Variants in FAM76B observed in about 807,000 individuals in gnomAD.
FAM76B encodes family with sequence similarity 76 member B, also known as protein FAM76B.
A neutral mutation model predicts 51.8 loss-of-function variants in FAM76B; 16 were observed. The ratio of observed to expected loss-of-function variants is 0.31; its 90% CI spans 0.21 to 0.47. The LOEUF (loss-of-function observed/expected upper bound fraction) is 0.47, where lower values mean the gene tolerates loss of function less well. Ranked by LOEUF, FAM76B falls within the 20% of genes least tolerant of loss-of-function variation. FAM76B has a pLI of 1.00. For synonymous variants in FAM76B, 166 were observed against 129.5 expected, an observed-to-expected ratio of 1.28 and a Z score of -1.91; for missense variants, 342 against 392.6, an observed-to-expected ratio of 0.87 and a Z score of 1.09.
intron 6 of FAM76B, 39 bp downstream of exon 6, chr11:95,779,840 C>T (rs769119894): frequency 2.8e-5 from 44 of 1,578,148 alleles, no homozygotes; most frequent in Non-Finnish European, 3.7e-5. Context: ...TATAAATATA[C>T]ATTTCAAAAT....
intron 5 of FAM76B, among the ~76,000 whole-genome samples, chr11:95,781,820 G>A (rs1476565848): frequency 6.6e-6 from 1 of 151,532 alleles, no homozygotes; most frequent in East Asian, 1.9e-4. Context: ...GCCACATTTA[G>A]AAAACACTAC....
chr11:95,787,345 T>G (rs568888417), intron 3 of FAM76B, among the ~76,000 whole-genome samples: 1 of 151,934 alleles, frequency 6.6e-6, no homozygotes, highest in Non-Finnish European at 1.5e-5. Flanking sequence ...GCCATTCTCC[T>G]GCCTCAGCCT....
At chr11:95,783,567 A>C (rs12807572) in intron 4 of FAM76B, among the ~76,000 whole-genome samples, 32,849 of 152,234 alleles carry the variant, frequency 0.22, 4,295 homozygotes, top group Non-Finnish European at 0.29. Flanking sequence ...GCATAAACTG[A>C]CTGATATACT....
chr11:95,771,357 A>T lies in FAM76B; in HGVS notation c.*204T>A. On this transcript the variant is annotated 3_prime_UTR_variant, in exon 10 of 10. Transcript: ENST00000358780. ...AGTTCCTGGATATCAAATAATTAAA[A>T]AGTTACTTCAAACCAGTTGAAGTTT... 2.3e-6 allele frequency: 1 copy of T among 434,152 alleles called. No individual in the cohort carries two copies. Among genetic ancestry groups the T allele is most frequent in the Non-Finnish European group, 4.2e-6 (1 of 236,792 alleles). 26.9% of individuals were successfully genotyped at this position (434,152 alleles called of 1,614,324 possible).
chr11:95,783,413 C>T (rs752947567), intron 4 of FAM76B, 149 bp from the exon 5 acceptor site: 1 of 611,688 alleles, frequency 1.6e-6, no homozygotes, highest in Non-Finnish European at 2.7e-6. Context: ...TTCTGCAAAA[C>T]AGAAATAAAA....
chr11:95,784,041 T>C (rs1457487691), intron 4 of FAM76B, among the ~76,000 whole-genome samples: 3 of 152,210 alleles, frequency 2.0e-5, no homozygotes, highest in Non-Finnish European at 2.9e-5. Context: ...TCAACCTAAA[T>C]GCCCATCGTT....
chr11:95,782,209 AC>A (rs1860307807), intron 5 of FAM76B, among the ~76,000 whole-genome samples: 1 of 152,138 alleles, frequency 6.6e-6, no homozygotes, highest in South Asian at 2.1e-4. Context: ...GGGTTAAGGT[AC>A]TACTACTACT....
At chr11:95,776,979 T>G (rs528133169) in intron 8 of FAM76B, among the ~76,000 whole-genome samples, 1 of 150,716 alleles carries the variant, frequency 6.6e-6, no homozygotes, top group South Asian at 2.1e-4. Context: ...AACTAAGTTC[T>G]CTCTCTCTAA....
chr11:95,775,928 T>C lies in FAM76B; in HGVS notation c.924A>G (p.Gln308=). The C allele has an allele frequency of 2.5e-6, 4 of 1,577,892 alleles. No homozygotes were observed. In the South Asian group the frequency reaches 3.5e-5, roughly 14 times the overall value. ...CGTAAATGATGGTAGTTACCTGAAG[T>C]TGTTCCACAGTTTCTTTGTGGGCTT... ...MEKAHKETVE[Q]LQAKNRELLK... The change falls in exon 9 of 10, where the codon CAA becomes CAG. Residue 308 remains glutamine (Q), a synonymous_variant. Transcript: ENST00000358780.
chr11:95,783,308 G>A, intron 4 of FAM76B, 44 bp from the exon 5 acceptor site: 1 of 1,566,530 alleles, frequency 6.4e-7, no homozygotes. Flanking sequence ...ATATAAACTG[G>A]CTGTAAACGA....
chr11:95,773,701 G>GCCTA (rs988729780), intron 9 of FAM76B, among the ~76,000 whole-genome samples: 1 of 151,250 alleles, frequency 6.6e-6, no homozygotes, highest in Non-Finnish European at 1.5e-5. Flanking sequence ...AAAACACTTA[G>GCCTA]CCTAACACAG....
At chr11:95,775,789 A>G in intron 9 of FAM76B, 133 bp downstream of exon 9, 1 of 469,202 alleles carries the variant, frequency 2.1e-6, no homozygotes, top group Non-Finnish European at 3.7e-6. Context: ...AAATGATTAT[A>G]AAGTCAAAAT....
chr11:95,788,020 C>G (rs1860698994), intron 2 of FAM76B, among the ~76,000 whole-genome samples: 1 of 152,152 alleles, frequency 6.6e-6, no homozygotes, highest in Admixed American at 6.5e-5. Context: ...ATTATAATGC[C>G]CACACCTATT....
intron 8 of FAM76B, 121 bp from the exon 9 acceptor site, chr11:95,776,144 T>C: frequency 2.1e-6 from 1 of 472,930 alleles, no homozygotes; most frequent in Admixed American, 4.3e-5. Context: ...TAACTGCAGT[T>C]TCCTGAATTG....
Position 95,783,170 on chromosome 11 carries a change from T to C in FAM76B, c.458A>G (p.His153Arg), listed in dbSNP as rs778189566. ...KEQRKSLGSS[H>R]SNSSSSSLTE... ...AAGAGATGAAGAAGATGAATTTGAA[T>C]GTGAAGATCCCAGGCTCTTCCTTTG... The change falls in exon 5 of 10, where the codon CAT becomes CGT. Residue 153 changes from histidine to arginine, a missense_variant. His to Arg is a conservative substitution (Grantham distance 29). Around this residue, in one of 3 missense-constraint regions of FAM76B, gnomAD observed 230 missense variants for 257.4 expected, o/e 0.89. Transcript: ENST00000358780. The C allele has an allele frequency of 1.1e-5, 17 of 1,613,894 alleles. No homozygotes were observed. Among genetic ancestry groups the C allele is most frequent in the Non-Finnish European group, 1.3e-5 (15 of 1,179,836 alleles).
At chr11:95,774,357 G>T (rs1859904365) in intron 9 of FAM76B, among the ~76,000 whole-genome samples, 3 of 151,340 alleles carry the variant, frequency 2.0e-5, no homozygotes, top group African/African-American at 7.3e-5. Context: ...TATACTACAT[G>T]AAACTTCAAT....
In FAM76B at chr11:95,774,964, A is replaced by G. The variant is rs1294421209; in HGVS notation, c.930+958T>C. 2.0e-5 allele frequency among the ~76,000 whole-genome samples: 3 copies of G among 151,210 alleles called. No homozygotes were observed. In the East Asian group the frequency reaches 5.8e-4, roughly 29 times the overall value. On this transcript the variant is annotated intron_variant, in intron 9 of 9. Coordinates refer to ENST00000358780, the MANE Select transcript of FAM76B (RefSeq NM_144664.5). ...AAGAAGTATGAATAATACAAAACCA[A>G]AAGAAAGAAATAGCAAATATCCTTT...
At chr11:95,778,065 T>G (rs771694940) in intron 8 of FAM76B, among the ~76,000 whole-genome samples, 2 of 151,440 alleles carry the variant, frequency 1.3e-5, no homozygotes, top group Non-Finnish European at 3.0e-5. Context: ...ATGAGAAAAC[T>G]GAGGTCCAAA....
At position 95,770,026 on chromosome 11, in the gene FAM76B, T is replaced by C. The variant is rs754052285; in HGVS notation, c.*1535A>G. 1 of 151,588 alleles carries C rather than the reference T, an allele frequency of 6.6e-6. No homozygotes were observed. Among genetic ancestry groups the C allele is most frequent in the African/African-American group, 2.4e-5 (1 of 41,382 alleles). The allele number at this position is 151,588 out of a possible 1,614,324, so 9.4% of individuals were successfully genotyped here. ...ATGACATTCACAATCAATGCTTGTA[T>C]AAAACAAAACCTTTAAAACTTATAA... On this transcript the variant is annotated 3_prime_UTR_variant, in exon 10 of 10. Transcript: ENST00000358780.
Sources: allele counts gnomAD v4.1 joint callset (sites outside exome capture counted in the v4.1 genomes callset), GRCh38; gene constraint gnomAD v4.1.1; regional missense constraint gnomAD v4.1.1; transcripts MANE v1.5; gene names NCBI Gene and HGNC (gene_info 2026-07-23, HGNC 2026-07-21).